NPAS3: variants seen among roughly 807,000 people sequenced by gnomAD.
NPAS3 encodes the protein neuronal PAS domain protein 3, also known as neuronal PAS domain-containing protein 3.
A neutral mutation model predicts 73.1 loss-of-function variants in NPAS3; 14 were observed. That is an observed-to-expected ratio of 0.19 (90% confidence interval 0.13 to 0.30). The LOEUF is 0.30. Among genes scored for constraint, NPAS3 ranks in the 10% least tolerant of loss-of-function variants. The pLI, the probability that NPAS3 is intolerant of heterozygous loss-of-function variation, is 1.00. For missense variants in NPAS3, 1,096 were observed against 1,250.0 expected (o/e 0.88, Z 1.86); for synonymous variants, 620 against 541.5 (o/e 1.14, Z -2.01).
chr14:33,351,780 A>G lies in NPAS3; in HGVS notation c.386-15406A>G, dbSNP rs574746902. On this transcript the variant is annotated intron_variant, in intron 3 of 11. Coordinates refer to ENST00000356141, the Ensembl canonical transcript of NPAS3. ...TATTCCAGTTTTGAACAAGGGCATG[A>G]CATGTGATTTACTCTATAAAATCGG... Among the ~76,000 whole-genome samples the G allele has an allele frequency of 2.6e-5, 4 of 152,314 alleles. No individual in the cohort carries two copies. The South Asian group carries it at 8.3e-4, about 32-fold the overall frequency.
At chr14:33,575,876 G>A (rs562445292) in intron 5 of NPAS3, among the ~76,000 whole-genome samples, 20 of 152,022 alleles carry the variant, frequency 1.3e-4, no homozygotes, top group Non-Finnish European at 1.9e-4. Context: ...ACTGCTTTTC[G>A]TTTCCTGAGA....
At chr14:33,293,450 A>T (rs1179845037) in intron 3 of NPAS3, among the ~76,000 whole-genome samples, 1 of 152,202 alleles carries the variant, frequency 6.6e-6, no homozygotes, top group Non-Finnish European at 1.5e-5. Flanking sequence ...CATTCTAAAA[A>T]CATTTTCCAA....
intron 5 of NPAS3, among the ~76,000 whole-genome samples, chr14:33,605,394 A>T (rs1006952530): frequency 1.4e-3 from 1 of 694 alleles, no homozygotes; most frequent in African/African-American, 6.1e-3. Context: ...CATTCAAATT[A>T]AAAAAAAAAA....
chr14:33,195,152 A>T (rs1329368951), intron 2 of NPAS3, among the ~76,000 whole-genome samples: 1 of 152,072 alleles, frequency 6.6e-6, no homozygotes, highest in Non-Finnish European at 1.5e-5. Context: ...CCAAGGCATT[A>T]TACTGTACAT....
chr14:33,207,239 ACACACACACACACACACACACACACACG>A (rs1277978645), intron 2 of NPAS3, among the ~76,000 whole-genome samples: 39 of 21,632 alleles, frequency 1.8e-3, no homozygotes, highest in South Asian at 6.3e-3. Flanking sequence ...AACATTACAC[ACACACACACACACACACACACACACACG>A]CACACACACA....
At chr14:33,024,116 GTGTATATATA>G (rs1443042862) in intron 1 of NPAS3, among the ~76,000 whole-genome samples, 2 of 149,356 alleles carry the variant, frequency 1.3e-5, no homozygotes, top group Admixed American at 6.7e-5. Context: ...GTATATATAT[GTGTATATATA>G]TGTGTGTGTG....
chr14:33,145,390 A>T (rs145478112), intron 2 of NPAS3, among the ~76,000 whole-genome samples: 1 of 152,152 alleles, frequency 6.6e-6, no homozygotes, highest in Non-Finnish European at 1.5e-5. Context: ...ATGGATCATG[A>T]TATGCTCCTT....
At chr14:33,739,500 G>GA (rs1339005591) in intron 7 of NPAS3, among the ~76,000 whole-genome samples, 8 of 152,160 alleles carry the variant, frequency 5.3e-5, no homozygotes, top group Admixed American at 2.6e-4. Flanking sequence ...ATTAGCTAAG[G>GA]AAAATTATTT....
chr14:33,784,748 T>TATTTATTTA (rs58424536), intron 9 of NPAS3, among the ~76,000 whole-genome samples: 15,912 of 107,002 alleles, frequency 0.15, 1,154 homozygotes, highest in Admixed American at 0.2. Context: ...TTTATTTATT[T>TATTTATTTA]TTTTTTTTTT....
chr14:33,730,738 T>C (rs984871189), intron 6 of NPAS3, among the ~76,000 whole-genome samples: 1 of 152,238 alleles, frequency 6.6e-6, no homozygotes, highest in African/African-American at 2.4e-5. Flanking sequence ...ATACTCATTC[T>C]AAAGTCCTAA....
At chr14:33,139,780 G>A (rs2043975575) in intron 2 of NPAS3, among the ~76,000 whole-genome samples, 1 of 152,128 alleles carries the variant, frequency 6.6e-6, no homozygotes, top group Admixed American at 6.6e-5. Context: ...GCCACATGGG[G>A]CTAGTGGCTA....
intron 7 of NPAS3, among the ~76,000 whole-genome samples, chr14:33,746,203 T>A (rs566681273): frequency 1.4e-3 from 188 of 136,636 alleles, no homozygotes; most frequent in Non-Finnish European, 1.7e-3. Flanking sequence ...TTATTTATTT[T>A]TTTGAGATGG....
intron 2 of NPAS3, among the ~76,000 whole-genome samples, chr14:33,138,813 G>T (rs2043936747): frequency 6.6e-6 from 1 of 152,152 alleles, no homozygotes; most frequent in African/African-American, 2.4e-5. Context: ...GAGTGATAGG[G>T]TTATATACTT....
At chr14:32,984,314 T>C (rs531094182) in intron 1 of NPAS3, among the ~76,000 whole-genome samples, 1 of 152,342 alleles carries the variant, frequency 6.6e-6, no homozygotes, top group East Asian at 1.9e-4. Context: ...CCACTTAGAT[T>C]GGAGCAATGT....
chr14:33,699,076 C>A (rs1042927203), intron 6 of NPAS3, among the ~76,000 whole-genome samples: 1 of 152,088 alleles, frequency 6.6e-6, no homozygotes, highest in African/African-American at 2.4e-5. Flanking sequence ...TGAGACAGAC[C>A]CTAGGAAATC....
rs193192026 is a variant in NPAS3 at position 33,189,053 on chromosome 14, A to T, written c.141-26129A>T. On this transcript the variant is annotated intron_variant, in intron 2 of 11. Coordinates refer to ENST00000356141, the Ensembl canonical transcript of NPAS3. ...GAAGTTGTTTATCTGAATTATTCAC[A>T]GTGTTGCACAATAATGAATTTATCG... is the stretch of plus-strand genomic sequence containing the variant. Among the ~76,000 whole-genome samples the T allele has an allele frequency of 3.2e-4, 48 of 152,320 alleles. No individual in the cohort carries two copies. The South Asian group carries it at 3.7e-3, about 12-fold the overall frequency.
At chr14:33,574,513 G>A (rs2056356619) in intron 5 of NPAS3, among the ~76,000 whole-genome samples, 1 of 152,076 alleles carries the variant, frequency 6.6e-6, no homozygotes, top group African/African-American at 2.4e-5. Context: ...CGGGGCCAGA[G>A]GTCCAAATGT....
chr14:33,186,836 C>T (rs936739124), intron 2 of NPAS3, among the ~76,000 whole-genome samples: 1 of 152,116 alleles, frequency 6.6e-6, no homozygotes, highest in Non-Finnish European at 1.5e-5. Flanking sequence ...ATGGTTTTGT[C>T]CCTAGGGAAT....
chr14:33,364,056 A>G (rs1029915736), intron 3 of NPAS3, among the ~76,000 whole-genome samples: 2 of 152,072 alleles, frequency 1.3e-5, no homozygotes, highest in South Asian at 4.1e-4. Flanking sequence ...ATCAGATGAA[A>G]CTGTGACCCG....
Sources: allele counts gnomAD v4.1 joint callset (sites outside exome capture counted in the v4.1 genomes callset), GRCh38; gene constraint gnomAD v4.1.1; transcripts MANE v1.5; gene names NCBI Gene and HGNC (gene_info 2026-07-23, HGNC 2026-07-21).